MYBL2: variants seen among roughly 807,000 people sequenced by gnomAD.
MYBL2 encodes the protein myb-related protein B.
MYBL2 carries 28 observed loss-of-function variants against 79.9 expected under a neutral mutation model. The ratio of observed to expected loss-of-function variants is 0.35; its 90% CI spans 0.26 to 0.48. The LOEUF (loss-of-function observed/expected upper bound fraction) is 0.48. Ranked by LOEUF, MYBL2 falls within the 20% of genes least tolerant of loss-of-function variation. The pLI, the probability that MYBL2 is intolerant of heterozygous loss-of-function variation, is 0.99. For missense variants in MYBL2, 735 were observed against 893.9 expected (o/e 0.82, Z 2.27); for synonymous variants, 378 against 361.2 (o/e 1.05, Z -0.53).
chr20:43,667,345 T>C, intron 1 of MYBL2, 42 bp downstream of exon 1: 1 of 1,196,796 alleles, frequency 8.4e-7, no homozygotes, highest in Admixed American at 4.3e-5. Context: ...CCCCTCCCTT[T>C]AACTCACCCC....
Position 43,681,873 on chromosome 20 carries a change from G to C in MYBL2, c.186+18G>C, listed in dbSNP as rs759804589. On this transcript the variant is annotated intron_variant, in intron 3 of 13. Transcript: ENST00000217026. ...ACTTCCCTGTGAGTACAGTCCTGCT[G>C]TGGCCCTCCCTCGGGGCAAGGGCTC... 1.9e-6 allele frequency: 3 copies of C among 1,613,608 alleles called. No individual in the cohort carries two copies. The East Asian group carries it at 6.7e-5, about 36-fold the overall frequency.
chr20:43,687,058 G>A lies in MYBL2; in HGVS notation c.486G>A (p.Lys162=), dbSNP rs780151133. 1.9e-6 allele frequency: 3 copies of A among 1,612,778 alleles called. No individual in the cohort carries two copies. The highest frequency in any genetic ancestry group is 8.5e-7 in the Non-Finnish European group (1 of 1,179,926). ...VLGNRWAEIA[K]MLPGRTDNAV... ...GCAACCGCTGGGCCGAGATCGCCAA[G>A]ATGTTGCCAGGGAGGTAAGCTGTCT... is the stretch of plus-strand genomic sequence containing the variant. Residue 162 remains lysine (K), a synonymous_variant, in exon 5 of 14, where the codon AAG becomes AAA. Transcript: ENST00000217026.
chr20:43,690,717 A>G (rs1272867529), intron 5 of MYBL2, among the ~76,000 whole-genome samples: 1 of 151,816 alleles, frequency 6.6e-6, no homozygotes, highest in East Asian at 1.9e-4. Flanking sequence ...TGGCACTCCA[A>G]AGAAGGTGGT....
chr20:43,705,428 C>A, intron 9 of MYBL2, 70 bp downstream of exon 9: 1 of 1,494,362 alleles, frequency 6.7e-7, no homozygotes, highest in South Asian at 1.4e-5. Context: ...GGCCTTGGGA[C>A]CACTGGTGGA....
chr20:43,712,931 T>G, intron 11 of MYBL2, 71 bp from the exon 12 acceptor site: 1 of 1,240,554 alleles, frequency 8.1e-7, no homozygotes. Flanking sequence ...TCCATGGCCA[T>G]GACCATCCAG....
chr20:43,698,877 G>A (rs1376191056), intron 6 of MYBL2, among the ~76,000 whole-genome samples: 1 of 116,922 alleles, frequency 8.6e-6, no homozygotes, highest in African/African-American at 3.4e-5. Context: ...TTGTTGTGTT[G>A]CCCAGGCTGG....
At chr20:43,672,253 T>G (rs540126702) in intron 1 of MYBL2, among the ~76,000 whole-genome samples, 1 of 152,266 alleles carries the variant, frequency 6.6e-6, no homozygotes, top group African/African-American at 2.4e-5. Context: ...TTCTCTCCAT[T>G]AATTATGCCT....
At chr20:43,682,941 TG>T in intron 4 of MYBL2, 55 bp downstream of exon 4, 1 of 1,522,102 alleles carries the variant, frequency 6.6e-7, no homozygotes, top group Non-Finnish European at 9.1e-7. Context: ...CCAGTGTACC[TG>T]GGGACTGTGA....
intron 1 of MYBL2, among the ~76,000 whole-genome samples, chr20:43,672,138 G>A (rs1986876180): frequency 1.5e-5 from 1 of 67,480 alleles, no homozygotes; most frequent in East Asian, 4.4e-4. Context: ...CTGAACCTGG[G>A]GGGCAGAGGT....
chr20:43,686,081 TA>T (rs11475955), intron 4 of MYBL2, among the ~76,000 whole-genome samples: 136 of 148,568 alleles, frequency 9.2e-4, no homozygotes, highest in African/African-American at 1.9e-3. Context: ...ATAAAATCTT[TA>T]AAAAAAAAAA....
At chr20:43,706,717 AAG>A (rs71769904) in intron 9 of MYBL2, among the ~76,000 whole-genome samples, 74,408 of 94,184 alleles carry the variant, frequency 0.79, 28,791 homozygotes, top group Non-Finnish European at 0.84. Flanking sequence ...AAAAAAAAAA[AAG>A]TTTTTTTTTT....
chr20:43,686,317 C>T (rs1228141113), intron 4 of MYBL2, among the ~76,000 whole-genome samples: 1 of 152,098 alleles, frequency 6.6e-6, no homozygotes, highest in Non-Finnish European at 1.5e-5. Flanking sequence ...TGACTGAGGG[C>T]AGGTGGGGAC....
At chr20:43,695,346 T>C (rs1204372600) in intron 6 of MYBL2, among the ~76,000 whole-genome samples, 1 of 152,114 alleles carries the variant, frequency 6.6e-6, no homozygotes, top group Non-Finnish European at 1.5e-5. Context: ...GGGCCTGTGT[T>C]GATTTCAGCC....
At chr20:43,699,297 C>T (rs960607990) in intron 6 of MYBL2, among the ~76,000 whole-genome samples, 17 of 151,994 alleles carry the variant, frequency 1.1e-4, no homozygotes, top group African/African-American at 3.4e-4. Context: ...CCACCAGCCT[C>T]GACCTCCCAA....
chr20:43,693,829 T>C (rs1281718772), intron 6 of MYBL2, among the ~76,000 whole-genome samples: 1 of 152,080 alleles, frequency 6.6e-6, no homozygotes, highest in East Asian at 1.9e-4. Context: ...GGCTTTTGGA[T>C]CTCTTGAGCC....
At chr20:43,705,047 G>C (rs1370347086) in intron 8 of MYBL2, among the ~76,000 whole-genome samples, 172 bp from the exon 9 acceptor site, 1 of 152,082 alleles carries the variant, frequency 6.6e-6, no homozygotes, top group Non-Finnish European at 1.5e-5. Context: ...TCCTGGCATC[G>C]ATCTGTCCCA....
At chr20:43,685,687 G>A (rs1600549271) in intron 4 of MYBL2, among the ~76,000 whole-genome samples, 1 of 151,920 alleles carries the variant, frequency 6.6e-6, no homozygotes, top group Admixed American at 6.6e-5. Flanking sequence ...CCCAGGAGAC[G>A]GAGGTTGCAG....
intron 2 of MYBL2, among the ~76,000 whole-genome samples, chr20:43,674,224 T>TCCCCCCC (rs149334286): frequency 1.7e-5 from 1 of 58,204 alleles, no homozygotes; most frequent in African/African-American, 5.3e-5. Flanking sequence ...AATCTGTAAC[T>TCCCCCCC]CCCCCCACCC....
chr20:43,692,167 G>T lies in MYBL2; in HGVS notation c.511G>T (p.Ala171Ser), dbSNP rs756469730. 1.9e-6 allele frequency: 3 copies of T among 1,614,030 alleles called. No individual in the cohort carries two copies. In the South Asian group the frequency reaches 3.3e-5, roughly 18 times the overall value. Residue 171 changes from alanine (A) to serine (S), a missense_variant, in exon 6 of 14, where the codon GCT becomes TCT. Ala to Ser is a moderately conservative substitution (Grantham distance 99). Coordinates refer to ENST00000217026, the MANE Select transcript of MYBL2 (RefSeq NM_002466.4). The part of the protein sequence containing the change: ...AKMLPGRTDN[A>S]VKNHWNSTIK... ...TGCTGCCCCCTGCAGGACAGACAAT[G>T]CTGTGAAGAATCACTGGAACTCTAC...
Sources: gnomAD v4.1 joint callset for allele counts (sites outside exome capture counted in the v4.1 genomes callset) on GRCh38, gnomAD v4.1.1 for gene constraint, MANE v1.5 for transcripts, NCBI Gene and HGNC (gene_info 2026-07-23, HGNC 2026-07-21) for gene names.